MYO1E: variants seen among roughly 807,000 people sequenced by gnomAD.
The protein encoded by MYO1E is unconventional myosin-Ie.
In MYO1E, 68 loss-of-function variants were observed where a neutral mutation model predicts 151.1. The ratio of observed to expected loss-of-function variants is 0.45; its 90% CI spans 0.37 to 0.55. The LOEUF (loss-of-function observed/expected upper bound fraction) is 0.55. Ranked by LOEUF, MYO1E falls within the 20% of genes least tolerant of loss-of-function variation. MYO1E has a pLI of 0.00. For missense variants in MYO1E, 1,363 were observed against 1,389.3 expected (o/e 0.98, Z 0.30); for synonymous variants, 601 against 501.7 (o/e 1.20, Z -2.64).
At chr15:59,332,764 C>T (rs1007776579) in intron 1 of MYO1E, among the ~76,000 whole-genome samples, 45 of 151,894 alleles carry the variant, frequency 3.0e-4, no homozygotes, top group African/African-American at 1.0e-3. Flanking sequence ...CTATGCTGTC[C>T]AGGCTGGTCT....
chr15:59,145,233 T>G (rs1166745174), intron 26 of MYO1E, among the ~76,000 whole-genome samples: 3 of 152,192 alleles, frequency 2.0e-5, no homozygotes, highest in African/African-American at 7.2e-5. Flanking sequence ...GGCAATTGGC[T>G]AGTCCAGGAG....
intron 1 of MYO1E, among the ~76,000 whole-genome samples, chr15:59,313,761 TAGA>T (rs1250937902): frequency 1.3e-5 from 2 of 151,968 alleles, no homozygotes; most frequent in East Asian, 1.9e-4. Context: ...AAGAGAAAAA[TAGA>T]AGGAATCAAA....
At chr15:59,178,361 G>A (rs1334161417) in intron 19 of MYO1E, 32 bp downstream of exon 19, 6 of 1,613,134 alleles carry the variant, frequency 3.7e-6, no homozygotes, top group South Asian at 2.2e-5. Flanking sequence ...CCCGCGGGAG[G>A]GAAGAGAGTG....
At chr15:59,155,239 TA>T (rs1220319976) in intron 25 of MYO1E, among the ~76,000 whole-genome samples, 1 of 152,214 alleles carries the variant, frequency 6.6e-6, no homozygotes, top group Non-Finnish European at 1.5e-5. Context: ...AAATGAAGAG[TA>T]AGCATTTAGA....
chr15:59,331,206 G>A (rs953773875), intron 1 of MYO1E, among the ~76,000 whole-genome samples: 5 of 152,206 alleles, frequency 3.3e-5, no homozygotes, highest in Non-Finnish European at 5.9e-5. Context: ...TTTTACAGAA[G>A]AATTTTGCTA....
At chr15:59,265,953 CAAATA>C (rs762818567) in intron 2 of MYO1E, among the ~76,000 whole-genome samples, 3 of 148,956 alleles carry the variant, frequency 2.0e-5, no homozygotes, top group African/African-American at 2.5e-5. Context: ...GGTGACAGAG[CAAATA>C]AAATAAAATA....
chr15:59,288,211 T>C (rs1596401833), intron 1 of MYO1E, among the ~76,000 whole-genome samples: 2 of 152,216 alleles, frequency 1.3e-5, no homozygotes, highest in Admixed American at 1.3e-4. Context: ...GGTCTCACTC[T>C]GTCACCCAGG....
In MYO1E at chr15:59,224,755, G is replaced by A; in HGVS notation, c.711C>T (p.Tyr237=). ...LGITSMDYYY[Y]LSLSGSYKVD... is the part of the protein sequence containing the mutation. ...CCTTGTATGAGCCCGAGAGGCTCAG[G>A]TAGTAATAATAGTCCATGCTGGTGA... is the stretch of plus-strand genomic sequence containing the variant. Residue 237 remains tyrosine, a synonymous_variant, in exon 8 of 28, where the codon TAC becomes TAT. Transcript: ENST00000288235. 1 of 1,614,194 alleles carries A rather than the reference G, an allele frequency of 6.2e-7. No individual in the cohort carries two copies. The highest frequency in any genetic ancestry group is 2.2e-5 in the East Asian group (1 of 44,882).
intron 1 of MYO1E, among the ~76,000 whole-genome samples, chr15:59,371,795 C>T (rs1357868704): frequency 6.6e-6 from 1 of 151,930 alleles, no homozygotes; most frequent in African/African-American, 2.4e-5. Flanking sequence ...GCGCGGAGAC[C>T]CTCGGGGCCG....
At chr15:59,206,791 G>A in intron 14 of MYO1E, 1 of 720,502 alleles carries the variant, frequency 1.4e-6, no homozygotes, top group East Asian at 2.7e-5. Flanking sequence ...CTCTGGCAAG[G>A]CCCGCGCAGC....
intron 14 of MYO1E, chr15:59,207,987 T>G: frequency 2.5e-6 from 4 of 1,612,392 alleles, no homozygotes; most frequent in Non-Finnish European, 3.4e-6. Flanking sequence ...AGAACGGTAT[T>G]ACCAACCTTA....
intron 18 of MYO1E, among the ~76,000 whole-genome samples, chr15:59,180,342 T>C (rs190777324): frequency 1.5e-4 from 23 of 152,212 alleles, no homozygotes; most frequent in African/African-American, 5.5e-4. Context: ...AGGAATCTAA[T>C]TGGGTGAGGC....
At chr15:59,338,398 T>G (rs2080743271) in intron 1 of MYO1E, among the ~76,000 whole-genome samples, 1 of 151,990 alleles carries the variant, frequency 6.6e-6, no homozygotes, top group South Asian at 2.1e-4. Context: ...TCAACCTTGG[T>G]CAATGAGAGG....
At chr15:59,359,327 T>TA (rs202215653) in intron 1 of MYO1E, among the ~76,000 whole-genome samples, 7,833 of 118,134 alleles carry the variant, frequency 0.066, 323 homozygotes, top group African/African-American at 0.13. Flanking sequence ...TATATATATA[T>TA]TTTTTTTTTT....
intron 5 of MYO1E, among the ~76,000 whole-genome samples, chr15:59,235,957 A>G (rs530167350): frequency 6.6e-6 from 1 of 152,100 alleles, no homozygotes; most frequent in African/African-American, 2.4e-5. Flanking sequence ...TGAGTAATTT[A>G]TATTTCCTTT....
intron 26 of MYO1E, among the ~76,000 whole-genome samples, chr15:59,142,769 G>C (rs2079418079): frequency 6.6e-6 from 1 of 151,996 alleles, no homozygotes; most frequent in Non-Finnish European, 1.5e-5. Flanking sequence ...GTTGGGGAGA[G>C]GACCCTTGTC....
chr15:59,336,599 T>G (rs2080730124), intron 1 of MYO1E, among the ~76,000 whole-genome samples: 1 of 152,118 alleles, frequency 6.6e-6, no homozygotes, highest in Admixed American at 6.5e-5. Context: ...TTTTTTTGTT[T>G]TGTTTTGTTT....
At chr15:59,147,498 A>G (rs1263705877) in intron 26 of MYO1E, among the ~76,000 whole-genome samples, 2 of 145,078 alleles carry the variant, frequency 1.4e-5, no homozygotes, top group East Asian at 4.4e-4. Context: ...AGGTTGAGGC[A>G]TGAGAATCGC....
At position 59,163,192 on chromosome 15, in the gene MYO1E, C is replaced by A. The variant is rs1246105562; in HGVS notation, c.2592G>T (p.Lys864Asn). 1 of 1,614,026 alleles carries A rather than the reference C, an allele frequency of 6.2e-7. No individual in the cohort carries two copies. The highest frequency in any genetic ancestry group is 1.3e-5 in the African/African-American group (1 of 74,920). The change falls in exon 23 of 28, where the codon AAG becomes AAT. Residue 864 changes from lysine to asparagine, a missense_variant. Physicochemically the swap from Lys to Asn is moderately conservative, Grantham distance 94 (BLOSUM62 0). Coordinates refer to ENST00000288235, the MANE Select transcript of MYO1E (RefSeq NM_004998.4). ...ATTTCAGAGGTAGTTGCTTCTGGGT[C>A]TTCTCCTCGTAACGCTTTGCTAAGA... ...LSLLAKRYEE[K>N]TQKQLPLKFS...
Sources: gnomAD v4.1 joint callset for allele counts (sites outside exome capture counted in the v4.1 genomes callset) on GRCh38, gnomAD v4.1.1 for gene constraint, MANE v1.5 for transcripts, NCBI Gene and HGNC (gene_info 2026-07-23, HGNC 2026-07-21) for gene names.